Variants in EBF1 observed in about 807,000 individuals in gnomAD.
EBF1 encodes transcription factor COE1.
In EBF1, 10 loss-of-function variants were observed where a neutral mutation model predicts 68.4. The observed-to-expected ratio is 0.15, with a 90% CI of 0.09 to 0.25. The LOEUF (loss-of-function observed/expected upper bound fraction) is 0.25, where lower values mean the gene tolerates loss of function less well. Ranked by LOEUF, EBF1 falls within the 10% of genes least tolerant of loss-of-function variation. The pLI, the probability that EBF1 is intolerant of heterozygous loss-of-function variation, is 1.00. For synonymous variants in EBF1, 298 were observed against 299.8 expected, an observed-to-expected ratio of 0.99 and a Z score of 0.06; for missense variants, 509 against 794.4, an observed-to-expected ratio of 0.64 and a Z score of 4.32.
chr5:158,819,273 C>A (rs779222714), intron 8 of EBF1, among the ~76,000 whole-genome samples: 1 of 152,170 alleles, frequency 6.6e-6, no homozygotes. Context: ...TAGCTGCAAG[C>A]GCTAATGGTA....
At chr5:158,836,221 C>T (rs925947162) in intron 7 of EBF1, among the ~76,000 whole-genome samples, 2 of 152,074 alleles carry the variant, frequency 1.3e-5, no homozygotes, top group African/African-American at 4.8e-5. Context: ...TAGATCTAAA[C>T]CTGGGTGTCA....
Position 158,904,334 on chromosome 5 carries a change from T to G in EBF1, c.555-64224A>C, listed in dbSNP as rs556945809. Reference sequence around the variant, plus strand: ...AGCAGACAGCAAGTTCCCAGCCACGTGTGCTGCCACCTTTGCCTCTGCCTC... The same window carrying G: ...AGCAGACAGCAAGTTCCCAGCCACGGGTGCTGCCACCTTTGCCTCTGCCTC... On this transcript the variant is annotated intron_variant, in intron 6 of 15. Transcript: ENST00000313708. Among the ~76,000 whole-genome samples the G allele has an allele frequency of 3.5e-4, 54 of 152,226 alleles. 1 individual carries two copies. The highest frequency in any genetic ancestry group is 5.9e-4 in the Non-Finnish European group (40 of 68,036).
intron 9 of EBF1, among the ~76,000 whole-genome samples, chr5:158,784,922 C>T (rs1741390364): frequency 1.3e-5 from 2 of 152,142 alleles, no homozygotes; most frequent in African/African-American, 2.4e-5. Context: ...TCTTATACTG[C>T]ACCAGCTCCT....
intron 10 of EBF1, among the ~76,000 whole-genome samples, chr5:158,766,883 C>T (rs1161546197): frequency 6.6e-6 from 1 of 152,080 alleles, no homozygotes; most frequent in African/African-American, 2.4e-5. Flanking sequence ...TCTTTGAATA[C>T]CCTTGAATAC....
At chr5:158,726,658 C>A (rs959004572) in intron 11 of EBF1, among the ~76,000 whole-genome samples, 59 of 152,250 alleles carry the variant, frequency 3.9e-4, no homozygotes, top group African/African-American at 1.4e-3. Flanking sequence ...CTGAGAAGGT[C>A]CCCAGGCCAA....
Position 158,708,132 on chromosome 5 carries a change from G to A in EBF1, c.1591C>T (p.Pro531Ser). 1 of 1,588,300 alleles carries A rather than the reference G, an allele frequency of 6.3e-7. No homozygotes were observed. The highest frequency in any genetic ancestry group is 8.6e-7 in the Non-Finnish European group (1 of 1,166,978). Residue 531 changes from proline to serine, a missense_variant, in exon 15 of 16, where the codon CCC becomes TCC. Transcript: ENST00000313708. ...CCCGAGGAGCTGCTGCAGTTGGAGG[G>A]GAGGCTTGTGGAGGAGGCCATGGTG... ...SPTMASSTSL[P>S]SNCSSSSGIF...
intron 6 of EBF1, among the ~76,000 whole-genome samples, chr5:158,956,862 C>G (rs1380475457): frequency 6.6e-6 from 1 of 151,718 alleles, no homozygotes; most frequent in South Asian, 2.1e-4. Flanking sequence ...GGGTTCACAC[C>G]ATTCTCCTGC....
At chr5:158,885,837 G>T (rs916396299) in intron 6 of EBF1, among the ~76,000 whole-genome samples, 7 of 152,210 alleles carry the variant, frequency 4.6e-5, no homozygotes, top group African/African-American at 1.7e-4. Context: ...GTTCTCTGTT[G>T]TTTTCAGTTT....
chr5:158,987,914 C>T (rs745550992), intron 6 of EBF1, among the ~76,000 whole-genome samples: 13 of 152,154 alleles, frequency 8.5e-5, no homozygotes, highest in Non-Finnish European at 1.3e-4. Context: ...CCCTTCTATG[C>T]GTATCCTCCA....
At chr5:158,997,700 T>G (rs139474276) in intron 6 of EBF1, among the ~76,000 whole-genome samples, 1 of 152,164 alleles carries the variant, frequency 6.6e-6, no homozygotes, top group Admixed American at 6.5e-5. Flanking sequence ...ATGAAGCACA[T>G]GTAACATGTC....
At chr5:159,088,469 G>A (rs571325458) in intron 4 of EBF1, among the ~76,000 whole-genome samples, 3 of 152,194 alleles carry the variant, frequency 2.0e-5, no homozygotes, top group South Asian at 2.1e-4. Context: ...CACCAACTTC[G>A]GGAGAAGTTT....
chr5:158,920,582 CT>C (rs576349439), intron 6 of EBF1, among the ~76,000 whole-genome samples: 64 of 147,096 alleles, frequency 4.4e-4, no homozygotes, highest in African/African-American at 5.7e-4. Flanking sequence ...TTTCTTTCTT[CT>C]TTTTTTTTTT....
chr5:158,838,086 T>C (rs1351543466), intron 7 of EBF1, among the ~76,000 whole-genome samples: 2 of 152,048 alleles, frequency 1.3e-5, no homozygotes, highest in Non-Finnish European at 2.9e-5. Flanking sequence ...AAATCCTCTA[T>C]GGGAATGAGA....
chr5:158,844,518 T>C (rs1000776342), intron 6 of EBF1, among the ~76,000 whole-genome samples: 4 of 152,216 alleles, frequency 2.6e-5, no homozygotes, highest in Non-Finnish European at 1.5e-5. Context: ...ATAAGTGATC[T>C]TAATCATCAC....
chr5:159,028,196 C>T (rs993251129), intron 6 of EBF1, among the ~76,000 whole-genome samples: 10 of 152,258 alleles, frequency 6.6e-5, no homozygotes, highest in African/African-American at 2.4e-4. Flanking sequence ...AAAATACATC[C>T]TTTGGATCAA....
At chr5:159,040,254 G>A (rs1301190325) in intron 6 of EBF1, among the ~76,000 whole-genome samples, 3 of 152,130 alleles carry the variant, frequency 2.0e-5, no homozygotes, top group Non-Finnish European at 4.4e-5. Context: ...TGAGTGAGAG[G>A]CAGAAAGAGG....
chr5:158,851,928 TAGG>T (rs1792899017), intron 6 of EBF1, among the ~76,000 whole-genome samples: 1 of 574 alleles, frequency 1.7e-3, no homozygotes, highest in Non-Finnish European at 3.1e-3. Context: ...AAGGGAAGGG[TAGG>T]GGAGGGGCAG....
intron 6 of EBF1, among the ~76,000 whole-genome samples, chr5:158,917,304 T>G (rs1209196991): frequency 6.6e-6 from 1 of 152,246 alleles, no homozygotes; most frequent in African/African-American, 2.4e-5. Flanking sequence ...AGTTCCCTCA[T>G]TCTTTCCAGC....
intron 6 of EBF1, among the ~76,000 whole-genome samples, chr5:159,045,784 T>C (rs1772257420): frequency 6.6e-6 from 1 of 152,184 alleles, no homozygotes; most frequent in South Asian, 2.1e-4. Context: ...TGAGATAAAG[T>C]TGTCATAAAG....
Sources: gnomAD v4.1 joint callset for allele counts (sites outside exome capture counted in the v4.1 genomes callset) on GRCh38, gnomAD v4.1.1 for gene constraint, MANE v1.5 for transcripts, NCBI Gene and HGNC (gene_info 2026-07-23, HGNC 2026-07-21) for gene names.